The following BMPR2 variants were observed in gnomAD, a reference collection of about 807,000 sequenced individuals.
BMPR2 encodes bone morphogenetic protein receptor type-2.
BMPR2 carries 29 observed loss-of-function variants against 100.8 expected under a neutral mutation model. The ratio of observed to expected loss-of-function variants is 0.29; its 90% CI spans 0.21 to 0.39. BMPR2 has a LOEUF of 0.39. Among genes scored for constraint, BMPR2 ranks in the 10% least tolerant of loss-of-function variants. BMPR2 has a pLI of 1.00. For synonymous variants in BMPR2, 382 were observed against 442.3 expected, an observed-to-expected ratio of 0.86 and a Z score of 1.71; for missense variants, 1,011 against 1,274.5, an observed-to-expected ratio of 0.79 and a Z score of 3.15.
chr2:202,405,687 C>CAAAAA (rs397987374), intron 1 of BMPR2, among the ~76,000 whole-genome samples: 3 of 62,276 alleles, frequency 4.8e-5, no homozygotes, highest in African/African-American at 1.8e-4. Context: ...GACTCCGCCT[C>CAAAAA]AAAAAAAAAA....
rs955118261 is a variant in BMPR2 at position 202,377,072 on chromosome 2, C to T, written c.-403C>T. On this transcript the variant is annotated 5_prime_UTR_variant, in exon 1 of 13. Transcript: ENST00000374580. ...CGGGAACTAGTTCTGACCCTCGCCC[C>T]CCGACCCCGGATCGAATCCCCGCCC... 1.1e-5 allele frequency: 6 copies of T among 532,164 alleles called. No individual in the cohort carries two copies. The highest frequency in any genetic ancestry group is 3.5e-5 in the Admixed American group (1 of 28,190). The allele number at this position is 532,164 out of a possible 1,614,324, so 33.0% of individuals were successfully genotyped here. A position where few individuals can be genotyped will look rare whatever the true frequency, so the allele number is the denominator to read the frequency against.
intron 1 of BMPR2, among the ~76,000 whole-genome samples, chr2:202,455,055 A>C (rs1692065719): frequency 6.6e-6 from 1 of 152,130 alleles, no homozygotes; most frequent in East Asian, 1.9e-4. Flanking sequence ...ACGTCCTTGA[A>C]ACCTAGTTAC....
chr2:202,526,288 T>C (rs1417483279), intron 7 of BMPR2, among the ~76,000 whole-genome samples: 1 of 152,224 alleles, frequency 6.6e-6, no homozygotes, highest in Non-Finnish European at 1.5e-5. Flanking sequence ...CCTCATCCCT[T>C]GCTACATTTC....
intron 10 of BMPR2, among the ~76,000 whole-genome samples, chr2:202,548,998 C>A (rs1688423961): frequency 6.6e-6 from 1 of 152,154 alleles, no homozygotes; most frequent in African/African-American, 2.4e-5. Context: ...CAATTACCCC[C>A]AGAAGATTTC....
chr2:202,481,752 T>G (rs2105973938), intron 3 of BMPR2, among the ~76,000 whole-genome samples: 1 of 152,350 alleles, frequency 6.6e-6, no homozygotes, highest in Admixed American at 6.5e-5. Context: ...CTAATTATTT[T>G]TCAGAGCAGT....
chr2:202,384,568 C>CTTTCTTTCTTTCTTTCTT (rs1242994441), intron 1 of BMPR2, among the ~76,000 whole-genome samples: 1 of 11,324 alleles, frequency 8.8e-5, no homozygotes, highest in Non-Finnish European at 2.2e-4. Flanking sequence ...TTCTTTCTTT[C>CTTTCTTTCTTTCTTTCTT]TTTTTCTTTC....
At chr2:202,482,399 G>T (rs932385864) in intron 3 of BMPR2, among the ~76,000 whole-genome samples, 2 of 152,046 alleles carry the variant, frequency 1.3e-5, no homozygotes, top group African/African-American at 4.8e-5. Flanking sequence ...TAAGAGACAG[G>T]GTCTTGCTTT....
At chr2:202,494,560 A>T (rs961675200) in intron 3 of BMPR2, among the ~76,000 whole-genome samples, 7 of 152,208 alleles carry the variant, frequency 4.6e-5, no homozygotes, top group African/African-American at 1.7e-4. Flanking sequence ...GTTTGCTTGT[A>T]TAAGCCCAAC....
chr2:202,415,704 T>G (rs1050520960), intron 1 of BMPR2, among the ~76,000 whole-genome samples: 1 of 152,228 alleles, frequency 6.6e-6, no homozygotes, highest in Non-Finnish European at 1.5e-5. Context: ...ACAGCACATC[T>G]GCTTACAGCA....
intron 1 of BMPR2, among the ~76,000 whole-genome samples, chr2:202,440,968 ATATTAT>A (rs1245009917): frequency 1.1e-4 from 16 of 150,282 alleles, no homozygotes. Context: ...CACATAGAAA[ATATTAT>A]TATTATTGTT....
intron 3 of BMPR2, among the ~76,000 whole-genome samples, chr2:202,509,148 A>G (rs943016373): frequency 2.6e-5 from 4 of 152,156 alleles, no homozygotes; most frequent in African/African-American, 9.7e-5. Flanking sequence ...GTAAAGCATA[A>G]CATTCTAGGG....
chr2:202,439,110 TC>T (rs1574449529), intron 1 of BMPR2, among the ~76,000 whole-genome samples: 1 of 150,348 alleles, frequency 6.7e-6, no homozygotes, highest in Admixed American at 6.6e-5. Context: ...GGATGTCTCT[TC>T]ATTTGTTTAG....
At chr2:202,393,882 C>CGAGAGCGAGAGAGCGAGAGA (rs1212615683) in intron 1 of BMPR2, among the ~76,000 whole-genome samples, 1 of 97,870 alleles carries the variant, frequency 1.0e-5, no homozygotes, top group African/African-American at 3.6e-5. Context: ...AATGAGAGAG[C>CGAGAGCGAGAGAGCGAGAGA]GAGAGAGAGA....
At chr2:202,410,579 TCTAG>T (rs994342288) in intron 1 of BMPR2, among the ~76,000 whole-genome samples, 8 of 151,902 alleles carry the variant, frequency 5.3e-5, no homozygotes, top group African/African-American at 1.7e-4. Context: ...AGCCTATCTA[TCTAG>T]CTAGCTAGCT....
intron 9 of BMPR2, among the ~76,000 whole-genome samples, chr2:202,535,620 G>A (rs1404618099): frequency 2.7e-5 from 4 of 150,802 alleles, no homozygotes; most frequent in African/African-American, 9.8e-5. Flanking sequence ...CGGGCAGAGG[G>A]GCTCCTCACA....
intron 1 of BMPR2, among the ~76,000 whole-genome samples, chr2:202,425,115 T>C (rs1385549126): frequency 6.6e-6 from 1 of 152,016 alleles, no homozygotes; most frequent in Non-Finnish European, 1.5e-5. Flanking sequence ...CATGCCACCA[T>C]ATTGGTCAGG....
rs540351341 is a variant in BMPR2 at position 202,527,703 on chromosome 2, C to T, written c.968-3091C>T. ...TCGGGAGGCTGAGGCAGGAGAATGG[C>T]GTGAACCCGGGAAGCGGAGCTTGCA... On this transcript the variant is annotated intron_variant, in intron 7 of 12. Transcript: ENST00000374580. 4.2e-4 allele frequency among the ~76,000 whole-genome samples: 63 copies of T among 151,538 alleles called. No homozygotes were observed. The East Asian group carries it at 0.012, about 29-fold the overall frequency.
chr2:202,452,370 T>C (rs1482637934), intron 1 of BMPR2, among the ~76,000 whole-genome samples: 2 of 152,262 alleles, frequency 1.3e-5, no homozygotes, highest in Non-Finnish European at 2.9e-5. Flanking sequence ...TCACATTTTG[T>C]TGATCACCAA....
intron 1 of BMPR2, among the ~76,000 whole-genome samples, chr2:202,426,109 G>A (rs536906322): frequency 6.6e-6 from 1 of 152,316 alleles, no homozygotes; most frequent in African/African-American, 2.4e-5. Flanking sequence ...GATAAAAAAT[G>A]TTTTGGATGG....
Sources: allele counts gnomAD v4.1 joint callset (sites outside exome capture counted in the v4.1 genomes callset), GRCh38; gene constraint gnomAD v4.1.1; transcripts MANE v1.5; gene names NCBI Gene and HGNC (gene_info 2026-07-23, HGNC 2026-07-21).